The following SLC46A3 variants were observed in gnomAD, a reference collection of about 807,000 sequenced individuals.
The protein encoded by SLC46A3 is solute carrier family 46 member 3, also known as lysosomal proton-coupled steroid conjugate and bile acid symporter SLC46A3.
A neutral mutation model predicts 38.5 loss-of-function variants in SLC46A3; 26 were observed. The observed-to-expected ratio is 0.68, with a 90% confidence interval of 0.49 to 0.94. SLC46A3 has a LOEUF of 0.94. Ranked by LOEUF, SLC46A3 falls within the 40% of genes least tolerant of loss-of-function variation. The pLI is 0.00. For synonymous variants in SLC46A3, 185 were observed against 192.5 expected (o/e 0.96, Z 0.32); for missense variants, 510 against 544.3 (o/e 0.94, Z 0.63).
In SLC46A3 at chr13:28,700,719, A is replaced by C; in HGVS notation, c.*778T>G. On this transcript the variant is annotated 3_prime_UTR_variant, in exon 6 of 6. Transcript: ENST00000266943. Reference sequence around the variant, plus strand: ...GTATTAGCTGTTCATTCAGTTTTTTAACTTCTTTAGAGCAATTTTATTTAT... The same window carrying C: ...GTATTAGCTGTTCATTCAGTTTTTTCACTTCTTTAGAGCAATTTTATTTAT... The C allele has an allele frequency of 2.3e-6, 1 of 430,366 alleles. No homozygotes were observed. The allele number at this position is 430,366 out of a possible 1,614,324, so 26.7% of individuals were successfully genotyped here. A position where few individuals can be genotyped will look rare whatever the true frequency, so the allele number is the denominator to read the frequency against.
At chr13:28,707,277 A>G (rs965099663) in intron 4 of SLC46A3, among the ~76,000 whole-genome samples, 13 of 151,804 alleles carry the variant, frequency 8.6e-5, no homozygotes, top group Admixed American at 3.9e-4. Context: ...GGAAACCATC[A>G]TTCTCAGCAA....
At chr13:28,705,875 AGTTCTATTAT>A (rs1302557660) in intron 4 of SLC46A3, among the ~76,000 whole-genome samples, 1 of 152,192 alleles carries the variant, frequency 6.6e-6, no homozygotes, top group Non-Finnish European at 1.5e-5. Flanking sequence ...GCACAGTACT[AGTTCTATTAT>A]GTAAGAGTTT....
chr13:28,708,598 T>C (rs1885246042), intron 4 of SLC46A3, among the ~76,000 whole-genome samples: 1 of 151,592 alleles, frequency 6.6e-6, no homozygotes, highest in South Asian at 2.1e-4. Flanking sequence ...CATTTCACTT[T>C]CTTTCTTTTT....
intron 4 of SLC46A3, chr13:28,704,414 T>C: frequency 4.7e-6 from 1 of 212,762 alleles, no homozygotes. Flanking sequence ...ACTGCATGTC[T>C]CTCCTCTCTG....
At chr13:28,703,212 G>A (rs949316665) in intron 5 of SLC46A3, among the ~76,000 whole-genome samples, 4 of 151,994 alleles carry the variant, frequency 2.6e-5, no homozygotes, top group African/African-American at 7.3e-5. Flanking sequence ...GTTTAAACAA[G>A]TCATTAAAAC....
At chr13:28,708,079 G>A (rs1885228237) in intron 4 of SLC46A3, among the ~76,000 whole-genome samples, 3 of 152,152 alleles carry the variant, frequency 2.0e-5, no homozygotes, top group Admixed American at 2.0e-4. Flanking sequence ...TTACCCATTT[G>A]TCAGTTCATG....
chr13:28,715,817 G>T (rs1885512066), intron 2 of SLC46A3, among the ~76,000 whole-genome samples: 1 of 151,994 alleles, frequency 6.6e-6, no homozygotes, highest in Non-Finnish European at 1.5e-5. Flanking sequence ...TATACTCCAT[G>T]AATATGTACA....
At chr13:28,712,647 ATAGT>A (rs772998839) in intron 3 of SLC46A3, 29 bp downstream of exon 3, 22 of 1,517,692 alleles carry the variant, frequency 1.4e-5, no homozygotes, top group Non-Finnish European at 1.8e-5. Context: ...TATCAAATAC[ATAGT>A]TAGTTCTAAA....
At chr13:28,705,055 A>G (rs572946896) in intron 4 of SLC46A3, among the ~76,000 whole-genome samples, 2 of 152,344 alleles carry the variant, frequency 1.3e-5, no homozygotes, top group South Asian at 2.1e-4. Flanking sequence ...GGCCATCTTC[A>G]TGTGCTTTTC....
chr13:28,704,022 AG>A lies in SLC46A3; in HGVS notation c.1221del (p.Ser408GlnfsTer75). On this transcript the variant is annotated frameshift_variant, in exon 5 of 6. Transcript: ENST00000266943. LOFTEE classifies it high-confidence loss of function. Reference sequence around the variant, plus strand: ...CCAGGGTACCAAGCAACAGTGGCTGAGTAAATTCCATTAAAAGTAGAAACTG... The same window carrying A: ...CCAGGGTACCAAGCAACAGTGGCTGATAAATTCCATTAAAAGTAGAAACTG... ...VTAVSTFNGI[Y>X]SATVAWYPGF... 1 of 1,613,864 alleles carries A rather than the reference AG, an allele frequency of 6.2e-7. No individual in the cohort carries two copies. Among genetic ancestry groups the A allele is most frequent in the South Asian group, 1.1e-5 (1 of 91,058 alleles).
At position 28,711,426 on chromosome 13, in the gene SLC46A3, GAA is replaced by G. The variant is rs79197472; in HGVS notation, c.1061-585_1061-584del. Among the ~76,000 whole-genome samples the G allele has an allele frequency of 8.4e-5, 7 of 83,830 alleles. No individual in the cohort carries two copies. The South Asian group carries it at 2.1e-3, about 26-fold the overall frequency. 55.0% of individuals were successfully genotyped at this position (83,830 alleles called of 152,430 possible). On this transcript the variant is annotated intron_variant, in intron 3 of 5. Coordinates refer to ENST00000266943, the MANE Select transcript of SLC46A3 (RefSeq NM_181785.4). ...CGACAGAGTGAGACTCCATCTCAAAGAAAAAAAAAAAACAAAAAAAAAAACTG... is the reference window on the plus strand; with the variant it reads ...CGACAGAGTGAGACTCCATCTCAAAGAAAAAAAAAACAAAAAAAAAAACTG...
At chr13:28,707,518 T>C (rs1885212829) in intron 4 of SLC46A3, among the ~76,000 whole-genome samples, 1 of 152,100 alleles carries the variant, frequency 6.6e-6, no homozygotes, top group South Asian at 2.1e-4. Flanking sequence ...GTAACAAACC[T>C]GCACGTTGTG....
rs776448228 is a variant in SLC46A3, at chr13:28,717,776, T to G, written c.189+34A>C. 3.1e-6 allele frequency: 5 copies of G among 1,589,812 alleles called. No homozygotes were observed. In the East Asian group the frequency reaches 1.1e-4, roughly 36 times the overall value. On this transcript the variant is annotated intron_variant, in intron 2 of 5. Transcript: ENST00000266943. Reference sequence around the variant, plus strand: ...CTCAAAGCCCGGTATACATTCCCATTTTATTAAATACTATGGATATTGTAA... The same window carrying G: ...CTCAAAGCCCGGTATACATTCCCATGTTATTAAATACTATGGATATTGTAA...
intron 4 of SLC46A3, among the ~76,000 whole-genome samples, chr13:28,707,795 CA>C (rs11331133): frequency 0.47 from 71,946 of 151,884 alleles, 17,612 homozygotes; most frequent in Middle Eastern, 0.65. Context: ...ACATTTTCAT[CA>C]CCCCGAAAAG....
At chr13:28,714,152 A>C (rs570632798) in intron 2 of SLC46A3, among the ~76,000 whole-genome samples, 672 of 24,936 alleles carry the variant, frequency 0.027, 5 homozygotes, top group African/African-American at 0.044. Context: ...AAAAAAAAAA[A>C]AAAAAAACCT....
intron 5 of SLC46A3, among the ~76,000 whole-genome samples, chr13:28,703,386 G>T (rs1367637734): frequency 6.6e-6 from 1 of 152,106 alleles, no homozygotes; most frequent in African/African-American, 2.4e-5. Flanking sequence ...TAGTTTAAAG[G>T]TATACATCTC....
rs562703540 is a variant in SLC46A3, at chr13:28,718,758, C to A, written c.-287G>T. 1.6e-4 allele frequency: 25 copies of A among 152,410 alleles called. No homozygotes were observed. Among genetic ancestry groups the A allele is most frequent in the Admixed American group, 1.3e-3 (20 of 15,316 alleles). 9.4% of individuals were successfully genotyped at this position (152,410 alleles called of 1,614,324 possible). A position where few individuals can be genotyped will look rare whatever the true frequency, so the allele number is the denominator to read the frequency against. ...AAAGCAAACCTCGGCAAGCGCACTT[C>A]CGCGTCCCGAGTGACACCTGCAGGG... On this transcript the variant is annotated 5_prime_UTR_variant, in exon 1 of 6. The change creates a premature stop within an existing upstream ORF in the 5' untranslated region. Transcript: ENST00000266943.
Position 28,713,404 on chromosome 13 carries a change from A to G in SLC46A3, c.336T>C (p.Leu112=), listed in dbSNP as rs1157470944. Residue 112 remains leucine (L), a synonymous_variant, in exon 3 of 6, where the codon CTT becomes CTC. Coordinates refer to ENST00000266943, the MANE Select transcript of SLC46A3 (RefSeq NM_181785.4). The part of the protein sequence containing the change: ...FPMILSSVGA[L]ATSVWLCLLC... ...GCAAACAGAGCCAAACGCTGGTTGCAAGAGCACCAACGGAAGACAAAATCA... is the reference window on the plus strand; with the variant it reads ...GCAAACAGAGCCAAACGCTGGTTGCGAGAGCACCAACGGAAGACAAAATCA... 6.2e-7 allele frequency: 1 copy of G among 1,614,130 alleles called. No individual in the cohort carries two copies. Among genetic ancestry groups the G allele is most frequent in the Admixed American group, 1.7e-5 (1 of 60,034 alleles).
In SLC46A3 at chr13:28,700,933, C is replaced by G. The variant is rs754099458; in HGVS notation, c.*564G>C. ...AGAAGTCACAGTATATAAGCTCCGA[C>G]TATCAATAGCAGCTTAACAGGCTCT... On this transcript the variant is annotated 3_prime_UTR_variant, in exon 6 of 6. Coordinates refer to ENST00000266943, the MANE Select transcript of SLC46A3 (RefSeq NM_181785.4). 4 of 1,498,930 alleles carry G rather than the reference C, an allele frequency of 2.7e-6. No homozygotes were observed. In the South Asian group the frequency reaches 4.8e-5, roughly 18 times the overall value. The allele number at this position is 1,498,930 out of a possible 1,614,324, so 92.9% of individuals were successfully genotyped here. A position where few individuals can be genotyped will look rare whatever the true frequency, so the allele number is the denominator to read the frequency against.
Sources: allele counts gnomAD v4.1 joint callset (sites outside exome capture counted in the v4.1 genomes callset), GRCh38; gene constraint gnomAD v4.1.1; transcripts MANE v1.5; gene names NCBI Gene and HGNC (gene_info 2026-07-23, HGNC 2026-07-21).